NFX1: variants seen among roughly 807,000 people sequenced by gnomAD.
NFX1 encodes nuclear transcription factor, X-box binding 1, also known as transcriptional repressor NF-X1.
In NFX1, 69 loss-of-function variants were observed where a neutral mutation model predicts 137.2. The ratio of observed to expected loss-of-function variants is 0.50; its 90% CI spans 0.41 to 0.61. NFX1 has a LOEUF of 0.61. NFX1 is among the 20% of genes least tolerant of loss of function. The pLI, the probability that NFX1 is intolerant of heterozygous loss-of-function variation, is 0.00. For missense variants in NFX1, 1,167 were observed against 1,391.0 expected (o/e 0.84, Z 2.56); for synonymous variants, 495 against 474.1 (o/e 1.04, Z -0.57).
At chr9:33,309,776 A>G (rs1428382158) in intron 5 of NFX1, among the ~76,000 whole-genome samples, 1 of 152,190 alleles carries the variant, frequency 6.6e-6, no homozygotes, top group Non-Finnish European at 1.5e-5. Context: ...TACAGGCATG[A>G]GCCACCATGC....
At position 33,369,917 on chromosome 9, in the gene NFX1, G is replaced by A. The variant is rs1318011570; in HGVS notation, c.3302G>A (p.Ser1101Asn). Residue 1101 changes from serine (S) to asparagine (N), a missense_variant, in exon 24 of 24, where the codon AGC (serine) becomes AAC (asparagine). Coordinates refer to ENST00000379540, the MANE Select transcript of NFX1 (RefSeq NM_002504.6). ...TGTTTGTTTTTCAGGAATCCTGGGA[G>A]CAGTAATTTACAGAAAATAACCAAG... ...HRHQSDKNPGSSNLQKITKEP... is the reference protein window; with the variant it reads ...HRHQSDKNPGNSNLQKITKEP... 2.5e-6 allele frequency: 4 copies of A among 1,613,264 alleles called. No individual in the cohort carries two copies. The Admixed American group carries it at 6.7e-5, about 27-fold the overall frequency.
At chr9:33,338,402 G>T (rs574714918) in intron 11 of NFX1, 108 bp from the exon 12 acceptor site, 1 of 976,428 alleles carries the variant, frequency 1.0e-6, no homozygotes, top group Non-Finnish European at 1.6e-6. Flanking sequence ...TATTACAATT[G>T]TATTATTACT....
Position 33,352,732 on chromosome 9 carries a change from T to G in NFX1, c.2729+13T>G. 6.2e-7 allele frequency: 1 copy of G among 1,608,034 alleles called. No individual in the cohort carries two copies. The highest frequency in any genetic ancestry group is 1.3e-5 in the African/African-American group (1 of 74,880). ...GTACTTATCAAAGGTTAGTGTTACT[T>G]AAATGTTAACAACTGATGGCCTAGG... On this transcript the variant is annotated intron_variant, in intron 17 of 23. Coordinates refer to ENST00000379540, the MANE Select transcript of NFX1 (RefSeq NM_002504.6).
chr9:33,311,557 A>ATT (rs34822919), intron 6 of NFX1, among the ~76,000 whole-genome samples: 17 of 146,944 alleles, frequency 1.2e-4, no homozygotes, highest in African/African-American at 4.0e-4. Flanking sequence ...AGTGACAAGG[A>ATT]TTTTTTTTTT....
chr9:33,307,091 C>T (rs1821780306), intron 4 of NFX1, 103 bp from the exon 5 acceptor site: 6 of 732,616 alleles, frequency 8.2e-6, no homozygotes, highest in Non-Finnish European at 1.1e-5. Flanking sequence ...TAATAAAAAC[C>T]ACACTAAAGT....
intron 6 of NFX1, among the ~76,000 whole-genome samples, chr9:33,312,350 G>T (rs909268270): frequency 1.3e-5 from 2 of 152,188 alleles, no homozygotes; most frequent in African/African-American, 4.8e-5. Context: ...ACTTCAAGGG[G>T]TTACTGTTAG....
intron 10 of NFX1, among the ~76,000 whole-genome samples, chr9:33,330,469 A>G (rs1822764725): frequency 6.6e-6 from 1 of 152,252 alleles, no homozygotes; most frequent in Non-Finnish European, 1.5e-5. Context: ...ATAGGATAAC[A>G]GAGGCATTTT....
intron 19 of NFX1, among the ~76,000 whole-genome samples, chr9:33,360,395 A>G (rs1048717002): frequency 6.6e-5 from 10 of 152,218 alleles, no homozygotes; most frequent in African/African-American, 2.4e-4. Context: ...TACATTAAAA[A>G]TGATACTCAT....
chr9:33,296,807 C>CA (rs1821374833), intron 2 of NFX1, among the ~76,000 whole-genome samples: 1 of 152,232 alleles, frequency 6.6e-6, no homozygotes, highest in African/African-American at 2.4e-5. Context: ...TTACAGCCCT[C>CA]ACGCTTATGT....
chr9:33,362,036 G>A (rs1324027212), intron 19 of NFX1, among the ~76,000 whole-genome samples: 1 of 150,626 alleles, frequency 6.6e-6, no homozygotes, highest in African/African-American at 2.5e-5. Context: ...TAGGAGGATG[G>A]CTTAAGCCCA....
At chr9:33,300,097 G>A (rs925961887) in intron 2 of NFX1, among the ~76,000 whole-genome samples, 6 of 124,954 alleles carry the variant, frequency 4.8e-5, no homozygotes, top group East Asian at 2.3e-4. Flanking sequence ...TTTTTGAGAC[G>A]GAGTCTCACT....
chr9:33,326,696 G>T (rs1175571521), intron 9 of NFX1, among the ~76,000 whole-genome samples: 2 of 152,166 alleles, frequency 1.3e-5, no homozygotes, highest in East Asian at 1.9e-4. Flanking sequence ...TCCAGCCTGA[G>T]TGACAAGAGT....
In NFX1 at chr9:33,364,555, G is replaced by A. The variant is rs770379467; in HGVS notation, c.2973-153G>A. ...TTATATTTTTCTCTTTTGTTCTTCC[G>A]TCAGTCATCCTTCTGTTTTCTGACA... is the stretch of plus-strand genomic sequence containing the variant. On this transcript the variant is annotated intron_variant, in intron 20 of 23. Transcript: ENST00000379540. Among the ~76,000 whole-genome samples the A allele has an allele frequency of 8.6e-5, 13 of 151,908 alleles. No homozygotes were observed. Among genetic ancestry groups the A allele is most frequent in the African/African-American group, 1.5e-4 (6 of 41,344 alleles).
At position 33,338,421 on chromosome 9, in the gene NFX1, C is replaced by A. The variant is rs896955978; in HGVS notation, c.2036-89C>A. 9.8e-6 allele frequency: 11 copies of A among 1,121,056 alleles called. No homozygotes were observed. The African/African-American group carries it at 1.3e-4, about 13-fold the overall frequency. The allele number at this position is 1,121,056 out of a possible 1,614,324, so 69.4% of individuals were successfully genotyped here. ...ACAATTGTATTATTACTATTGTATT[C>A]TTTGAGCCTATAGTTACTCAAATAT... On this transcript the variant is annotated intron_variant, in intron 11 of 23. Transcript: ENST00000379540.
chr9:33,344,935 G>T lies in NFX1; in HGVS notation c.2344+747G>T, dbSNP rs368029011. 2.0e-5 allele frequency among the ~76,000 whole-genome samples: 3 copies of T among 152,154 alleles called. 1 individual carries two copies. Among genetic ancestry groups the T allele is most frequent in the Non-Finnish European group, 4.4e-5 (3 of 68,022 alleles). ...CTAGCACTTTGGGAGGCTGAGATGG[G>T]CGGGTCACTTGAGGTCAGGAGTTCG... On this transcript the variant is annotated intron_variant, in intron 14 of 23. Transcript: ENST00000379540.
intron 9 of NFX1, among the ~76,000 whole-genome samples, chr9:33,325,379 A>G (rs1465265275): frequency 6.6e-6 from 1 of 151,128 alleles, no homozygotes; most frequent in Non-Finnish European, 1.5e-5. Context: ...AAAACTGGCA[A>G]CTGGCCGGGC....
chr9:33,319,161 A>G (rs748269950), intron 9 of NFX1, 34 bp downstream of exon 9: 2 of 1,580,376 alleles, frequency 1.3e-6, no homozygotes, highest in Non-Finnish European at 1.7e-6. Flanking sequence ...CTTTAAAAAT[A>G]TTATTGTAAA....
intron 1 of NFX1, 118 bp from the exon 2 acceptor site, chr9:33,294,302 A>C (rs1821265122): frequency 3.2e-6 from 3 of 925,406 alleles, no homozygotes; most frequent in Non-Finnish European, 4.9e-6. Context: ...GTTCTTACTT[A>C]ACAGCATGTT....
At chr9:33,351,015 AC>A (rs1165763944) in intron 15 of NFX1, among the ~76,000 whole-genome samples, 1 of 152,166 alleles carries the variant, frequency 6.6e-6, no homozygotes, top group Non-Finnish European at 1.5e-5. Flanking sequence ...GTGGTGGTAC[AC>A]ACCTGTAACC....
Sources: allele counts gnomAD v4.1 joint callset (sites outside exome capture counted in the v4.1 genomes callset), GRCh38; gene constraint gnomAD v4.1.1; transcripts MANE v1.5; gene names NCBI Gene and HGNC (gene_info 2026-07-23, HGNC 2026-07-21).